Variants in NUP98 observed in about 807,000 individuals in gnomAD.
NUP98 encodes the protein nuclear pore complex protein Nup98-Nup96.
Under a neutral mutation model 191.9 loss-of-function variants are expected in NUP98, and 26 were observed. The ratio of observed to expected loss-of-function variants is 0.14; its 90% CI spans 0.10 to 0.19. The LOEUF (loss-of-function observed/expected upper bound fraction) is 0.19. NUP98 is among the 10% of genes least tolerant of loss of function. The probability of loss-of-function intolerance (pLI) is 1.00; values close to 1 mark genes in which losing one functional copy is unlikely to be tolerated. For synonymous variants in NUP98, 808 were observed against 778.4 expected (o/e 1.04, Z -0.63); for missense variants, 1,941 against 2,178.8 (o/e 0.89, Z 2.17).
At chr11:3,679,967 C>CT (rs894003484) in intron 30 of NUP98, among the ~76,000 whole-genome samples, 7 of 152,234 alleles carry the variant, frequency 4.6e-5, no homozygotes, top group African/African-American at 1.7e-4. Flanking sequence ...ACCACTGTCA[C>CT]TTATTAAGTG....
chr11:3,707,906 G>C (rs1176590906), intron 20 of NUP98, among the ~76,000 whole-genome samples: 1 of 151,970 alleles, frequency 6.6e-6, no homozygotes. Context: ...TTCGAGACCA[G>C]CCTGGTCAAC....
rs1041511300 is a variant in NUP98, at chr11:3,695,441, G to A, written c.4167+8C>T. On this transcript the variant is annotated splice_region_variant and intron_variant, in intron 26 of 32. Transcript: ENST00000324932. ...AATGTGAGATATTATGGTAAAAGTA[G>A]AAGATACCGGTTTTCCAGCCAACAG... The A allele has an allele frequency of 1.3e-6, 2 of 1,532,212 alleles. No homozygotes were observed. Among genetic ancestry groups the A allele is most frequent in the Non-Finnish European group, 8.8e-7 (1 of 1,136,236 alleles). The allele number at this position is 1,532,212 out of a possible 1,614,324, so 94.9% of individuals were successfully genotyped here. A position where few individuals can be genotyped will look rare whatever the true frequency, so the allele number is the denominator to read the frequency against.
Position 3,686,058 on chromosome 11 carries a change from G to C in NUP98, c.4591C>G (p.Leu1531Val). The change falls in exon 29 of 33, where the codon CTA (leucine) becomes GTA (valine). Residue 1531 changes from leucine (L) to valine (V), a missense_variant. Around this residue, in one of 6 missense-constraint regions of NUP98, gnomAD observed 1,030 missense variants for 1,115.8 expected, o/e 0.92. Coordinates refer to ENST00000324932, the MANE Select transcript of NUP98 (RefSeq NM_016320.5). The part of the protein sequence containing the change: ...THLSAQCEGV[L>V]QASYAGQLES... ...AGCTGGCCAGCGTAACTGGCCTGTA[G>C]CACACCTTCACACTGCGCTGAGAGA... The C allele has an allele frequency of 2.5e-6, 4 of 1,614,202 alleles. No individual in the cohort carries two copies. The highest frequency in any genetic ancestry group is 3.4e-6 in the Non-Finnish European group (4 of 1,180,044).
intron 5 of NUP98, among the ~76,000 whole-genome samples, chr11:3,775,477 A>G (rs2081684283): frequency 6.6e-6 from 1 of 152,146 alleles, no homozygotes; most frequent in East Asian, 1.9e-4. Context: ...TAGAGGTTGC[A>G]GTGAGCTGAG....
At chr11:3,744,114 C>T (rs2599738) in intron 12 of NUP98, among the ~76,000 whole-genome samples, 152,328 of 152,358 alleles carry the variant, frequency 1, 76,149 homozygotes, top group Middle Eastern at 1. Flanking sequence ...TTAGGAAATA[C>T]AGTAAATTTA....
intron 25 of NUP98, among the ~76,000 whole-genome samples, chr11:3,697,981 T>C (rs542324993): frequency 3.9e-5 from 6 of 152,304 alleles, no homozygotes; most frequent in Non-Finnish European, 5.9e-5. Context: ...TCAACTTCTA[T>C]ATATTTATTT....
At chr11:3,677,637 TTTGGTAAGGGCAGAACACA>T (rs1326353152) in intron 31 of NUP98, among the ~76,000 whole-genome samples, 1 of 152,124 alleles carries the variant, frequency 6.6e-6, no homozygotes, top group African/African-American at 2.4e-5. Context: ...AAATCATTAT[TTTGGTAAGGGCAGAACACA>T]TACTGTTTAC....
chr11:3,748,046 T>C (rs752765020), intron 11 of NUP98, among the ~76,000 whole-genome samples: 12 of 152,218 alleles, frequency 7.9e-5, no homozygotes, highest in Non-Finnish European at 1.3e-4. Context: ...AGGAGAGGCA[T>C]GTATAAGGAA....
At chr11:3,739,487 TC>T (rs1777180971) in intron 12 of NUP98, among the ~76,000 whole-genome samples, 2 of 152,084 alleles carry the variant, frequency 1.3e-5, no homozygotes, top group South Asian at 4.1e-4. Context: ...CCTCAGGTGA[TC>T]CACCCGCCTC....
chr11:3,727,106 G>A (rs927105966), intron 14 of NUP98, among the ~76,000 whole-genome samples: 45 of 151,980 alleles, frequency 3.0e-4, no homozygotes, highest in Middle Eastern at 3.2e-3. Flanking sequence ...AATAGAAAGA[G>A]GAAATACTCT....
chr11:3,683,799 A>G (rs1053404210), intron 29 of NUP98, among the ~76,000 whole-genome samples: 1 of 151,930 alleles, frequency 6.6e-6, no homozygotes, highest in Non-Finnish European at 1.5e-5. Flanking sequence ...CAGCTTCCCA[A>G]AGTGCCAGGA....
At chr11:3,787,581 A>G (rs973667620) in intron 1 of NUP98, among the ~76,000 whole-genome samples, 2 of 152,044 alleles carry the variant, frequency 1.3e-5, no homozygotes, top group Non-Finnish European at 2.9e-5. Context: ...TCAAACAAAA[A>G]AAAAGAACAT....
At chr11:3,773,770 G>A (rs1293612660) in intron 5 of NUP98, 31 bp from the exon 6 acceptor site, 1 of 1,379,124 alleles carries the variant, frequency 7.3e-7, no homozygotes, top group South Asian at 1.2e-5. Flanking sequence ...AAATTTGTAG[G>A]TCCAAGTTTT....
intron 30 of NUP98, 194 bp from the exon 31 acceptor site, chr11:3,679,902 T>A (rs1554885410): frequency 6.1e-5 from 36 of 592,578 alleles, no homozygotes; most frequent in Non-Finnish European, 8.7e-5. Flanking sequence ...GGTATCACAA[T>A]AAAATCACAA....
chr11:3,795,458 AC>A (rs1203849339), intron 1 of NUP98, among the ~76,000 whole-genome samples: 1 of 152,104 alleles, frequency 6.6e-6, no homozygotes, highest in African/African-American at 2.4e-5. Flanking sequence ...AAATAAATAA[AC>A]AAATAAATGT....
intron 4 of NUP98, 29 bp from the exon 5 acceptor site, chr11:3,776,050 T>G: frequency 2.6e-6 from 4 of 1,549,154 alleles, no homozygotes; most frequent in Non-Finnish European, 3.5e-6. Context: ...AATGAGACGA[T>G]AACAGTAAGA....
intron 11 of NUP98, among the ~76,000 whole-genome samples, chr11:3,749,079 C>T (rs1184976550): frequency 1.3e-5 from 2 of 151,356 alleles, no homozygotes; most frequent in African/African-American, 4.9e-5. Flanking sequence ...GAGGCCGAGG[C>T]GGGTGGATCA....
chr11:3,722,283 C>CT (rs1302635049), intron 16 of NUP98, among the ~76,000 whole-genome samples: 1 of 151,238 alleles, frequency 6.6e-6, no homozygotes, highest in African/African-American at 2.4e-5. Context: ...TGGCTAATTA[C>CT]TTTTAAGTTT....
rs1354561900 is a variant in NUP98 at position 3,683,209 on chromosome 11, A to G, written c.4909T>C (p.Leu1637=). The stretch of plus-strand genomic sequence containing the variant: ...GGAACCCAGCACTCACCAGAAGCTA[A>G]GTGTCGGATGATGAGCTTGTGGCAG... ...NRCHKLIIRH[L]ASDAIINENY... The change falls in exon 30 of 33, where the codon TTA becomes CTA. Residue 1637 remains leucine (L), a synonymous_variant. Transcript: ENST00000324932. The G allele has an allele frequency of 5.0e-6, 8 of 1,614,126 alleles. No homozygotes were observed. The South Asian group carries it at 8.8e-5, about 18-fold the overall frequency.
Sources: gnomAD v4.1 joint callset for allele counts (sites outside exome capture counted in the v4.1 genomes callset) on GRCh38, gnomAD v4.1.1 for gene constraint, gnomAD v4.1.1 regional missense constraint, MANE v1.5 for transcripts, NCBI Gene and HGNC (gene_info 2026-07-23, HGNC 2026-07-21) for gene names.